TMEM41A: variants seen among roughly 807,000 people sequenced by gnomAD.
The protein encoded by TMEM41A is transmembrane protein 41A.
TMEM41A carries 20 observed loss-of-function variants against 25.7 expected under a neutral mutation model. That is an observed-to-expected ratio of 0.78 (90% confidence interval 0.55 to 1.13). TMEM41A has a LOEUF of 1.13. Ranked by LOEUF, TMEM41A falls within the 50% of genes most tolerant of loss-of-function variation. The pLI, the probability that TMEM41A is intolerant of heterozygous loss-of-function variation, is 0.00. For missense variants in TMEM41A, 299 were observed against 314.3 expected (o/e 0.95, Z 0.37); for synonymous variants, 133 against 139.6 (o/e 0.95, Z 0.33).
chr3:185,494,588 T>C, intron 4 of TMEM41A, 35 bp downstream of exon 4: 1 of 1,551,318 alleles, frequency 6.4e-7, no homozygotes, highest in Non-Finnish European at 8.7e-7. Context: ...GCGTGACAGC[T>C]CTGAAGACTC....
At chr3:185,494,487 A>T in intron 4 of TMEM41A, 136 bp downstream of exon 4, 2 of 992,528 alleles carry the variant, frequency 2.0e-6, no homozygotes, top group Non-Finnish European at 2.8e-6. Context: ...TCATTTCTTT[A>T]GATCATAAGG....
At position 185,494,677 on chromosome 3, in the gene TMEM41A, A is replaced by T. The variant is rs747504942; in HGVS notation, c.520T>A (p.Ser174Thr). ...ATGGGAATGTTCAGAATTGGGGCCG[A>T]GAGGTTCAAGAACCAGTTTGGTGTC... ...PMTPNWFLNL[S>T]APILNIPIVQ... The change falls in exon 4 of 5, where the codon TCG (serine) becomes ACG (threonine). Residue 174 changes from serine to threonine, a missense_variant. Transcript: ENST00000421852. 3.1e-6 allele frequency: 5 copies of T among 1,612,870 alleles called. No individual in the cohort carries two copies. The highest frequency in any genetic ancestry group is 4.2e-6 in the Non-Finnish European group (5 of 1,179,530).
Position 185,496,996 on chromosome 3 carries a change from A to G in TMEM41A, c.120-15T>C. The G allele has an allele frequency of 2.5e-6, 4 of 1,584,392 alleles. No homozygotes were observed. The South Asian group carries it at 4.6e-5, about 18-fold the overall frequency. ...ACCACAGCGACCTGGGGATTTGGAA[A>G]AGCAGATGGAAACATGAGTTCAGAT... On this transcript the variant is annotated splice_polypyrimidine_tract_variant and intron_variant, in intron 1 of 4. Coordinates refer to ENST00000421852, the MANE Select transcript of TMEM41A (RefSeq NM_080652.4).
rs769656714 is a variant in TMEM41A, at chr3:185,496,993, G to A, written c.120-12C>T. The A allele has an allele frequency of 6.3e-7, 1 of 1,586,872 alleles. No individual in the cohort carries two copies. The highest frequency in any genetic ancestry group is 1.1e-5 in the South Asian group (1 of 87,138). The stretch of plus-strand genomic sequence containing the variant: ...GGAACCACAGCGACCTGGGGATTTG[G>A]AAAAGCAGATGGAAACATGAGTTCA... On this transcript the variant is annotated splice_polypyrimidine_tract_variant and intron_variant, in intron 1 of 4. Coordinates refer to ENST00000421852, the MANE Select transcript of TMEM41A (RefSeq NM_080652.4).
At position 185,496,810 on chromosome 3, in the gene TMEM41A, G is replaced by T; in HGVS notation, c.273+18C>A. 1 of 1,599,378 alleles carries T rather than the reference G, an allele frequency of 6.3e-7. No homozygotes were observed. Among genetic ancestry groups the T allele is most frequent in the Non-Finnish European group, 8.5e-7 (1 of 1,174,802 alleles). The stretch of plus-strand genomic sequence containing the variant: ...TACAGATAAGGAAACAGGGTTGGAG[G>T]GAGGGCAGGACACTGACCAGGAAGC... On this transcript the variant is annotated intron_variant, in intron 2 of 4. Transcript: ENST00000421852.
At chr3:185,494,446 G>A in intron 4 of TMEM41A, 177 bp downstream of exon 4, 1 of 716,982 alleles carries the variant, frequency 1.4e-6, no homozygotes, top group South Asian at 3.4e-5. Context: ...GGGTTTTCAT[G>A]TTGAAGCCTG....
intron 2 of TMEM41A, 199 bp downstream of exon 2, chr3:185,496,629 G>C (rs1303892506): frequency 3.1e-6 from 2 of 650,884 alleles, no homozygotes; most frequent in African/African-American, 1.8e-5. Context: ...GGAGAGGGAA[G>C]CAGTACAAAA....
intron 2 of TMEM41A, chr3:185,496,460 G>A (rs370794852): frequency 3.0e-6 from 1 of 336,954 alleles, no homozygotes; most frequent in Non-Finnish European, 5.9e-6. Flanking sequence ...CAAGACAGAA[G>A]ACAGACACAG....
At chr3:185,492,318 A>T (rs1229172105) in intron 4 of TMEM41A, 1 of 152,186 alleles carries the variant, frequency 6.6e-6, no homozygotes, top group African/African-American at 2.4e-5. Flanking sequence ...AAATAAATAA[A>T]TAAATAAAAT....
intron 1 of TMEM41A, 51 bp downstream of exon 1, chr3:185,498,792 C>G: frequency 7.2e-7 from 1 of 1,389,960 alleles, no homozygotes; most frequent in East Asian, 2.5e-5. Flanking sequence ...AGCCCCGGTC[C>G]TCGGACCCGG....
rs1242504865 is a variant in TMEM41A at position 185,490,016 on chromosome 3, C to G, written c.*1521G>C. The stretch of plus-strand genomic sequence containing the variant: ...TTAAAGTCTTGGCAAGACTCTTGGC[C>G]AAACCAAATCATCAACCCAGCAGAT... On this transcript the variant is annotated 3_prime_UTR_variant, in exon 5 of 5. Transcript: ENST00000421852. 3 of 152,100 alleles carry G rather than the reference C, an allele frequency of 2.0e-5. No homozygotes were observed. Among genetic ancestry groups the G allele is most frequent in the Non-Finnish European group, 4.4e-5 (3 of 68,040 alleles). 9.4% of individuals were successfully genotyped at this position (152,100 alleles called of 1,614,324 possible).
intron 1 of TMEM41A, 41 bp downstream of exon 1, chr3:185,498,802 G>T: frequency 1.4e-6 from 2 of 1,454,228 alleles, no homozygotes; most frequent in East Asian, 2.5e-5. Flanking sequence ...CTCGGACCCG[G>T]CTCCCTTCCT....
chr3:185,498,914 G>A lies in TMEM41A; in HGVS notation c.48C>T (p.Phe16=), dbSNP rs530263318. 8.1e-6 allele frequency: 13 copies of A among 1,606,176 alleles called. No individual in the cohort carries two copies. The South Asian group carries it at 8.9e-5, about 11-fold the overall frequency. ...GLLLVFAGCT[F]ALYLLSTRLP... ...GTCGCGTCGACAGCAAGTACAAGGC[G>A]AAGGTGCAGCCGGCGAAGACCAGAA... is the stretch of plus-strand genomic sequence containing the variant. Residue 16 remains phenylalanine (F), a synonymous_variant, in exon 1 of 5, where the codon TTC becomes TTT. Transcript: ENST00000421852.
chr3:185,493,166 A>G (rs1719006107), intron 4 of TMEM41A: 1 of 152,174 alleles, frequency 6.6e-6, no homozygotes, highest in Non-Finnish European at 1.5e-5. Context: ...GAAAGTAGCA[A>G]ACACTGATTT....
At chr3:185,497,542 T>C (rs1191711409) in intron 1 of TMEM41A, among the ~76,000 whole-genome samples, 3 of 152,382 alleles carry the variant, frequency 2.0e-5, no homozygotes, top group East Asian at 1.9e-4. Context: ...TGTAACTTTT[T>C]TGATAATATG....
At chr3:185,498,088 C>CGCA (rs1553817741) in intron 1 of TMEM41A, among the ~76,000 whole-genome samples, 1 of 134,322 alleles carries the variant, frequency 7.4e-6, no homozygotes, top group Non-Finnish European at 1.6e-5. Flanking sequence ...GAGACCCCCC[C>CGCA]CCCGCGTCCC....
chr3:185,498,476 C>A, intron 1 of TMEM41A: 1 of 219,002 alleles, frequency 4.6e-6, no homozygotes. Flanking sequence ...CGCACGGGGG[C>A]GAAGGTGGGC....
At chr3:185,498,127 T>G in intron 1 of TMEM41A, among the ~76,000 whole-genome samples, 1 of 124,736 alleles carries the variant, frequency 8.0e-6, no homozygotes, top group African/African-American at 3.1e-5. Context: ...TAGCCGGCCG[T>G]GGTGGCGCGC....
chr3:185,496,803 G>A (rs1353802110), intron 2 of TMEM41A, 25 bp downstream of exon 2: 1 of 1,595,076 alleles, frequency 6.3e-7, no homozygotes, highest in South Asian at 1.1e-5. Flanking sequence ...AGGAAACAGG[G>A]TTGGAGGGAG....
Sources: allele counts gnomAD v4.1 joint callset (sites outside exome capture counted in the v4.1 genomes callset), GRCh38; gene constraint gnomAD v4.1.1; transcripts MANE v1.5; gene names NCBI Gene and HGNC (gene_info 2026-07-23, HGNC 2026-07-21).